PIGS: variants seen among roughly 807,000 people sequenced by gnomAD.
PIGS encodes phosphatidylinositol glycan anchor biosynthesis class S.
A neutral mutation model predicts 58.2 loss-of-function variants in PIGS; 37 were observed. The ratio of observed to expected loss-of-function variants is 0.64; its 90% CI spans 0.49 to 0.84. PIGS has a LOEUF of 0.84. Ranked by LOEUF, PIGS falls within the 40% of genes least tolerant of loss-of-function variation. PIGS has a pLI of 0.00. For synonymous variants in PIGS, 269 were observed against 289.2 expected (o/e 0.93, Z 0.71); for missense variants, 629 against 710.8 (o/e 0.88, Z 1.31).
At chr17:28,554,808 T>G in intron 11 of PIGS, 43 bp downstream of exon 11, 1 of 1,607,314 alleles carries the variant, frequency 6.2e-7, no homozygotes, top group Non-Finnish European at 8.5e-7. Context: ...CCTCTCTGGC[T>G]ACTCCAGTCC....
chr17:28,554,190 G>A lies in PIGS; in HGVS notation c.*30C>T. ...TAACACCGCCCACCTTGGCCAGAAA[G>A]GAAGGCTTCCTATGGAGGTGCTGCC... On this transcript the variant is annotated 3_prime_UTR_variant, in exon 12 of 12. Coordinates refer to ENST00000308360, the MANE Select transcript of PIGS (RefSeq NM_033198.4). 6.2e-7 allele frequency: 1 copy of A among 1,608,398 alleles called. No individual in the cohort carries two copies. The highest frequency in any genetic ancestry group is 8.5e-7 in the Non-Finnish European group (1 of 1,176,578).
At chr17:28,555,745 T>G in intron 10 of PIGS, 1 of 182,706 alleles carries the variant, frequency 5.5e-6, no homozygotes, top group Non-Finnish European at 1.2e-5. Flanking sequence ...CCTAAGCGGG[T>G]GGATCACGAG....
chr17:28,555,192 A>G, intron 10 of PIGS, 131 bp from the exon 11 acceptor site: 1 of 912,972 alleles, frequency 1.1e-6, no homozygotes, highest in Non-Finnish European at 1.6e-6. Flanking sequence ...GTTAAAGGGA[A>G]GTACCTCAGG....
At position 28,558,661 on chromosome 17, in the gene PIGS, G is replaced by C; in HGVS notation, c.820-71C>G. 3 of 1,283,618 alleles carry C rather than the reference G, an allele frequency of 2.3e-6. No homozygotes were observed. The Admixed American group carries it at 6.3e-5, about 27-fold the overall frequency. 79.5% of individuals were successfully genotyped at this position (1,283,618 alleles called of 1,614,324 possible). A position where few individuals can be genotyped will look rare whatever the true frequency, so the allele number is the denominator to read the frequency against. On this transcript the variant is annotated intron_variant, in intron 7 of 11. Coordinates refer to ENST00000308360, the MANE Select transcript of PIGS (RefSeq NM_033198.4). The stretch of plus-strand genomic sequence containing the variant: ...TACTTTCTCCCAAAAAAGATTTGAG[G>C]TGCCTTAAAAAAGACACAATCAGGA...
chr17:28,561,272 A>AT (rs1216684432), intron 6 of PIGS, 150 bp downstream of exon 6: 26 of 480,532 alleles, frequency 5.4e-5, no homozygotes, highest in African/African-American at 1.0e-4. Context: ...AAATAACTAA[A>AT]AAAAATAATA....
chr17:28,558,389 T>TC, intron 8 of PIGS, 87 bp downstream of exon 8: 1 of 1,104,470 alleles, frequency 9.1e-7, no homozygotes, highest in Admixed American at 2.4e-5. Flanking sequence ...ATAATCCACC[T>TC]CCAACTCCTG....
intron 8 of PIGS, chr17:28,557,447 C>A: frequency 5.6e-6 from 1 of 177,936 alleles, no homozygotes; most frequent in Non-Finnish European, 1.2e-5. Flanking sequence ...CACATTTCAG[C>A]CACACTAAAC....
At chr17:28,563,781 C>T in intron 4 of PIGS, 37 bp downstream of exon 4, 2 of 1,565,804 alleles carry the variant, frequency 1.3e-6, no homozygotes, top group Non-Finnish European at 1.8e-6. Context: ...AAAAAGAGGG[C>T]TTCACATTAA....
At chr17:28,555,875 C>G in intron 10 of PIGS, 1 of 281,978 alleles carries the variant, frequency 3.5e-6, no homozygotes, top group South Asian at 4.2e-5. Flanking sequence ...GAGGCTGAGG[C>G]AGAGAATTGC....
chr17:28,571,057 C>T lies in PIGS; in HGVS notation c.166G>A (p.Ala56Thr), dbSNP rs571831272. ...LPYSQISGLN[A>T]LQLRLMVPVT... ...CCGCACAGCAGTCTCACCTGAAGGG[C>T]ATTCAGGCCACTGATCTGGGAGTAA... The change falls in exon 2 of 12, where the codon GCC becomes ACC. Residue 56 changes from alanine (A) to threonine (T), a missense_variant. Physicochemically the swap from Ala to Thr is moderately conservative, Grantham distance 58. Coordinates refer to ENST00000308360, the MANE Select transcript of PIGS (RefSeq NM_033198.4). 2.4e-5 allele frequency: 38 copies of T among 1,614,080 alleles called. No homozygotes were observed. Among genetic ancestry groups the T allele is most frequent in the Middle Eastern group, 3.3e-4 (2 of 6,084 alleles).
At position 28,556,861 on chromosome 17, in the gene PIGS, T is replaced by C. The variant is rs772475753; in HGVS notation, c.1046A>G (p.Asn349Ser). 33 of 1,613,932 alleles carry C rather than the reference T, an allele frequency of 2.0e-5. No individual in the cohort carries two copies. Among genetic ancestry groups the C allele is most frequent in the East Asian group, 8.9e-5 (4 of 44,892 alleles). ...QDKDGAPVAT[N>S]AFHSPRWGGI... ...ACCCCAGCGGGGACTATGGAAGGCA[T>C]TGGTGGCCACTGGAGCGCCATCCTT... Residue 349 changes from asparagine (N) to serine (S), a missense_variant, in exon 9 of 12, where the codon AAT becomes AGT. Physicochemically the swap from Asn to Ser is conservative, Grantham distance 46. Coordinates refer to ENST00000308360, the MANE Select transcript of PIGS (RefSeq NM_033198.4).
chr17:28,566,351 T>A, intron 3 of PIGS, among the ~76,000 whole-genome samples: 1 of 148,758 alleles, frequency 6.7e-6, no homozygotes. Flanking sequence ...AGAATAACAG[T>A]GGGATCCCGG....
At chr17:28,556,722 T>C in intron 9 of PIGS, 105 bp downstream of exon 9, 1 of 1,422,248 alleles carries the variant, frequency 7.0e-7, no homozygotes, top group Non-Finnish European at 9.4e-7. Context: ...TCCCACAGGC[T>C]GGGCCATGGA....
intron 9 of PIGS, 83 bp downstream of exon 9, chr17:28,556,744 G>A: frequency 6.6e-7 from 1 of 1,522,088 alleles, no homozygotes; most frequent in African/African-American, 1.4e-5. Context: ...GACACCAGAA[G>A]GAAAACAGAA....
In PIGS at chr17:28,555,241, C is replaced by T. The variant is rs142697298; in HGVS notation, c.1182-180G>A. 15 of 561,168 alleles carry T rather than the reference C, an allele frequency of 2.7e-5. No individual in the cohort carries two copies. In the Middle Eastern group the frequency reaches 3.3e-3, roughly 123 times the overall value. The allele number at this position is 561,168 out of a possible 1,614,324, so 34.8% of individuals were successfully genotyped here. A position where few individuals can be genotyped will look rare whatever the true frequency, so the allele number is the denominator to read the frequency against. The stretch of plus-strand genomic sequence containing the variant: ...AAGGGGCAACACCAAACAAGTTGGC[C>T]CCAAACGCTGCTTCAACAGGTGTTT... On this transcript the variant is annotated intron_variant, in intron 10 of 11. Transcript: ENST00000308360.
chr17:28,571,428 CT>C, intron 1 of PIGS, 34 bp downstream of exon 1: 1 of 1,607,154 alleles, frequency 6.2e-7, no homozygotes, highest in Non-Finnish European at 8.5e-7. Context: ...TTGCCATCAG[CT>C]AGCTGCAGGC....
chr17:28,559,918 T>C (rs1278467720), intron 7 of PIGS, 131 bp downstream of exon 7: 23 of 1,204,218 alleles, frequency 1.9e-5, no homozygotes, highest in East Asian at 2.7e-5. Flanking sequence ...CCCACCCTTA[T>C]GACACTCACA....
In PIGS at chr17:28,555,031, C is replaced by A; in HGVS notation, c.1212G>T (p.Leu404=). ...GCCCTGAAAGCAGGCATTTTGGAGG[C>A]AGCTGGGGCTGAGCAATCCCAAAGA... ...RLLFGIAQPQ[L]PPKCLLSGPT... Residue 404 remains leucine (L), a synonymous_variant, in exon 11 of 12, where the codon CTG becomes CTT. Coordinates refer to ENST00000308360, the MANE Select transcript of PIGS (RefSeq NM_033198.4). 1.2e-6 allele frequency: 2 copies of A among 1,611,820 alleles called. No individual in the cohort carries two copies. The highest frequency in any genetic ancestry group is 8.5e-7 in the Non-Finnish European group (1 of 1,178,960).
At chr17:28,571,334 G>A in intron 1 of PIGS, 129 bp downstream of exon 1, 1 of 1,518,134 alleles carries the variant, frequency 6.6e-7, no homozygotes, top group Non-Finnish European at 8.9e-7. Flanking sequence ...CAAGCCTGAA[G>A]GGAATCTCGT....
Sources: allele counts gnomAD v4.1 joint callset (sites outside exome capture counted in the v4.1 genomes callset), GRCh38; gene constraint gnomAD v4.1.1; transcripts MANE v1.5; gene names NCBI Gene and HGNC (gene_info 2026-07-23, HGNC 2026-07-21).